Variants in LRBA observed in about 807,000 individuals in gnomAD.
LRBA encodes the protein LPS responsive beige-like anchor protein.
In LRBA, 176 loss-of-function variants were observed where a neutral mutation model predicts 330.0. That is an observed-to-expected ratio of 0.53 (90% CI 0.47 to 0.60). LRBA has a LOEUF of 0.60. Ranked by LOEUF, LRBA falls within the 20% of genes least tolerant of loss-of-function variation. LRBA has a pLI of 0.00. For missense variants in LRBA, 3,259 were observed against 3,444.8 expected (o/e 0.95, Z 1.35); for synonymous variants, 1,230 against 1,193.0 (o/e 1.03, Z -0.64).
chr4:151,000,273 G>A (rs901937383), intron 2 of LRBA, among the ~76,000 whole-genome samples: 2 of 152,160 alleles, frequency 1.3e-5, no homozygotes, highest in Non-Finnish European at 2.9e-5. Context: ...TTCAGCTTTA[G>A]ATGTAAGTGC....
chr4:150,977,340 T>C (rs1347426715), intron 2 of LRBA, among the ~76,000 whole-genome samples: 4 of 152,058 alleles, frequency 2.6e-5, no homozygotes, highest in African/African-American at 9.7e-5. Context: ...CCCAGCTCAG[T>C]CATGAGGACC....
At chr4:150,682,740 T>G (rs75022805) in intron 37 of LRBA, among the ~76,000 whole-genome samples, 1,877 of 152,176 alleles carry the variant, frequency 0.012, 32 homozygotes, top group African/African-American at 0.043. Flanking sequence ...TACAAGTAAT[T>G]TACTATTTTT....
At chr4:150,758,199 C>T (rs1229019806) in intron 35 of LRBA, among the ~76,000 whole-genome samples, 2 of 152,170 alleles carry the variant, frequency 1.3e-5, no homozygotes, top group African/African-American at 2.4e-5. Context: ...TCTTCTGTGA[C>T]GGCCAGTAGG....
chr4:150,973,148 CTGTTTGTT>C (rs3033033), intron 2 of LRBA, among the ~76,000 whole-genome samples: 83 of 149,580 alleles, frequency 5.5e-4, no homozygotes, highest in African/African-American at 1.4e-3. Context: ...TTTTGTCTGT[CTGTTTGTT>C]TGTTTGTTTG....
intron 34 of LRBA, among the ~76,000 whole-genome samples, chr4:150,765,580 G>T (rs980810621): frequency 6.6e-6 from 1 of 151,984 alleles, no homozygotes; most frequent in Non-Finnish European, 1.5e-5. Flanking sequence ...AAAAAGTAAT[G>T]TCTTTTAAAA....
rs562168480 is a variant in LRBA at position 150,899,445 on chromosome 4, C to T, written c.1924+604G>A. ...ACTGCCAGTTTATATGAGCTGATTA[C>T]CTCCCTTTTTGATGTAAGCCAGTTC... On this transcript the variant is annotated intron_variant, in intron 14 of 56. Coordinates refer to ENST00000651943, the MANE Select transcript of LRBA (RefSeq NM_001364905.1). Among the ~76,000 whole-genome samples the T allele has an allele frequency of 2.0e-3, 307 of 152,230 alleles. 4 individuals are homozygous for T. The highest frequency in any genetic ancestry group is 1.1e-3 in the Non-Finnish European group (74 of 68,008).
At chr4:150,961,498 G>T (rs1171305664) in intron 2 of LRBA, among the ~76,000 whole-genome samples, 1 of 149,170 alleles carries the variant, frequency 6.7e-6, no homozygotes, top group African/African-American at 2.6e-5. Flanking sequence ...TATTTCAAAA[G>T]ATTTAACAGC....
rs544856639 is a variant in LRBA, at chr4:150,310,312, C to T, written c.7766G>A (p.Cys2589Tyr). Residue 2589 changes from cysteine to tyrosine, a missense_variant, in exon 52 of 57, where the codon TGC becomes TAC. By Grantham distance (194) the Cys-to-Tyr change is radical. Transcript: ENST00000651943. ...GCGGTTGTCTGAAGTGATGACAAAG[C>T]ACTGGGAATGCACTTGAATACTTTG... ...LDQSIQVHSQ[C>Y]FVITSDNRYI... 71 of 1,612,808 alleles carry T rather than the reference C, an allele frequency of 4.4e-5. 3 individuals carry two copies. The South Asian group carries it at 7.6e-4, about 17-fold the overall frequency.
intron 40 of LRBA, among the ~76,000 whole-genome samples, chr4:150,546,408 C>T (rs1487933041): frequency 6.6e-6 from 1 of 152,168 alleles, no homozygotes; most frequent in Non-Finnish European, 1.5e-5. Flanking sequence ...CTTTGTTTTG[C>T]TCCACTCTGC....
intron 34 of LRBA, among the ~76,000 whole-genome samples, chr4:150,766,353 A>T (rs1197597823): frequency 1.3e-5 from 2 of 152,116 alleles, no homozygotes; most frequent in Admixed American, 1.3e-4. Context: ...ATACAAATGC[A>T]TACTAAAAAG....
At chr4:150,504,931 C>T (rs932334546) in intron 40 of LRBA, among the ~76,000 whole-genome samples, 2 of 152,164 alleles carry the variant, frequency 1.3e-5, no homozygotes, top group African/African-American at 4.8e-5. Flanking sequence ...CAATCCTAGT[C>T]TCTGAGAAAA....
intron 47 of LRBA, among the ~76,000 whole-genome samples, chr4:150,366,610 C>G (rs1277724230): frequency 6.6e-6 from 1 of 152,092 alleles, no homozygotes; most frequent in Non-Finnish European, 1.5e-5. Flanking sequence ...GGGAGCAAAT[C>G]CAAAGCCAGG....
intron 55 of LRBA, among the ~76,000 whole-genome samples, chr4:150,279,918 A>T (rs1747287655): frequency 6.6e-6 from 1 of 152,234 alleles, no homozygotes; most frequent in Non-Finnish European, 1.5e-5. Flanking sequence ...TTATGGTTGT[A>T]GTTCATTTGA....
rs1335907908 is a variant in LRBA, at chr4:150,966,619, C to A, written c.217-37554G>T. On this transcript the variant is annotated intron_variant, in intron 2 of 56. Transcript: ENST00000651943. ...GGGATTACAGGCGTGAGCCACCGCG[C>A]CCGGCCGCTAGTTCATTCTTAATTA... 1.6e-4 allele frequency among the ~76,000 whole-genome samples: 25 copies of A among 152,094 alleles called. 1 individual carries two copies. The highest frequency in any genetic ancestry group is 5.8e-4 in the African/African-American group (24 of 41,484).
At chr4:150,489,420 TATATTACATATAAGAATATA>T (rs1758502020) in intron 41 of LRBA, among the ~76,000 whole-genome samples, 1 of 53,244 alleles carries the variant, frequency 1.9e-5, no homozygotes, top group Non-Finnish European at 3.8e-5. Flanking sequence ...GAATATAAAA[TATATTACATATAAGAATATA>T]TAATATATTA....
At chr4:150,925,569 C>A (rs1256651722) in intron 4 of LRBA, among the ~76,000 whole-genome samples, 1 of 152,190 alleles carries the variant, frequency 6.6e-6, no homozygotes, top group African/African-American at 2.4e-5. Flanking sequence ...CCAAACTATA[C>A]TTGCCATTTT....
intron 53 of LRBA, among the ~76,000 whole-genome samples, chr4:150,290,360 A>T (rs1432634766): frequency 6.6e-6 from 1 of 152,210 alleles, no homozygotes; most frequent in Non-Finnish European, 1.5e-5. Context: ...CTTCTGATAA[A>T]AATTTGCAAT....
chr4:150,559,696 TTA>T (rs1308666022), intron 40 of LRBA, among the ~76,000 whole-genome samples: 9 of 90,440 alleles, frequency 1.0e-4, no homozygotes, highest in African/African-American at 3.3e-4. Context: ...ATATTATATA[TTA>T]TATATTATAT....
intron 53 of LRBA, among the ~76,000 whole-genome samples, chr4:150,289,899 C>G (rs1160884982): frequency 6.6e-6 from 1 of 152,074 alleles, no homozygotes; most frequent in Non-Finnish European, 1.5e-5. Context: ...TTTTGGGAAC[C>G]ACTTGCAATG....
Sources: gnomAD v4.1 joint callset for allele counts (sites outside exome capture counted in the v4.1 genomes callset) on GRCh38, gnomAD v4.1.1 for gene constraint, MANE v1.5 for transcripts, NCBI Gene and HGNC (gene_info 2026-07-23, HGNC 2026-07-21) for gene names.